TAB2: variants seen among roughly 807,000 people sequenced by gnomAD.
The protein encoded by TAB2 is TGF-beta activated kinase 1 (MAP3K7) binding protein 2, also known as TGF-beta-activated kinase 1 and MAP3K7-binding protein 2.
In TAB2, 3 loss-of-function variants were observed where a neutral mutation model predicts 65.0. The observed-to-expected ratio is 0.05, with a 90% CI of 0.02 to 0.12. TAB2 has a LOEUF of 0.12. Among genes scored for constraint, TAB2 ranks in the 10% least tolerant of loss-of-function variants. The pLI is 1.00. For synonymous variants in TAB2, 298 were observed against 285.1 expected, an observed-to-expected ratio of 1.05 and a Z score of -0.46; for missense variants, 623 against 840.3, an observed-to-expected ratio of 0.74 and a Z score of 3.20.
chr6:149,222,533 G>A (rs1440866818), intron 1 of TAB2, among the ~76,000 whole-genome samples: 1 of 150,632 alleles, frequency 6.6e-6, no homozygotes, highest in Non-Finnish European at 1.5e-5. Flanking sequence ...CAGGAGAATT[G>A]TTTGAACCTG....
At chr6:149,241,272 G>A (rs773416998) in intron 1 of TAB2, among the ~76,000 whole-genome samples, 3 of 152,112 alleles carry the variant, frequency 2.0e-5, no homozygotes, top group Non-Finnish European at 4.4e-5. Context: ...AATAGATTTT[G>A]GGCTCAGTTT....
At chr6:149,274,576 C>T (rs1778420078) in intron 1 of TAB2, among the ~76,000 whole-genome samples, 1 of 152,164 alleles carries the variant, frequency 6.6e-6, no homozygotes, top group African/African-American at 2.4e-5. Flanking sequence ...AAGATAATTC[C>T]CTTTCTTTTG....
Position 149,369,967 on chromosome 6 carries a change from G to A in TAB2, c.-31G>A, listed in dbSNP as rs760492590. The stretch of plus-strand genomic sequence containing the variant: ...CCACTAAGGCCTAGAATTGCCTACT[G>A]TACAAATAGTCCTGATCAGGCAATA... On this transcript the variant is annotated 5_prime_UTR_variant, in exon 2 of 7. Coordinates refer to ENST00000637181, the MANE Select transcript of TAB2 (RefSeq NM_001292034.3). The A allele has an allele frequency of 6.4e-7, 1 of 1,574,716 alleles. No individual in the cohort carries two copies. Among genetic ancestry groups the A allele is most frequent in the Non-Finnish European group, 8.7e-7 (1 of 1,144,280 alleles).
At chr6:149,389,645 CAAA>C (rs370622661) in intron 3 of TAB2, among the ~76,000 whole-genome samples, 65 of 86,878 alleles carry the variant, frequency 7.5e-4, no homozygotes, top group Non-Finnish European at 7.4e-4. Flanking sequence ...AACTCTGTGT[CAAA>C]AAAAAAAAAA....
At chr6:149,317,048 G>A (rs1207349727), upstream of TAB2, among the ~76,000 whole-genome samples, 1 of 150,282 alleles carries the variant, frequency 6.7e-6, no homozygotes, top group Non-Finnish European at 1.5e-5. This position sits in a 1 kb window ranked among gnomAD's most constrained non-coding sequence, Gnocchi z 4.7. Context: ...GGGTCCGGCC[G>A]GGCCCCCGGA....
At chr6:149,290,786 A>T (rs746992202) in intron 1 of TAB2, among the ~76,000 whole-genome samples, 1 of 152,238 alleles carries the variant, frequency 6.6e-6, no homozygotes, top group Non-Finnish European at 1.5e-5. Flanking sequence ...CAGAGGTTGC[A>T]GTGAGCTAAG....
At chr6:149,259,007 C>T (rs186219274) in intron 1 of TAB2, among the ~76,000 whole-genome samples, 9 of 152,218 alleles carry the variant, frequency 5.9e-5, no homozygotes, top group East Asian at 3.9e-4. Flanking sequence ...CACCTCTAGA[C>T]GCTAGAAAGG....
chr6:149,353,264 T>C (rs1780550020), intron 1 of TAB2, among the ~76,000 whole-genome samples: 1 of 152,214 alleles, frequency 6.6e-6, no homozygotes, highest in African/African-American at 2.4e-5. Flanking sequence ...CTTTTGCTGC[T>C]GCTGCTGCTT....
At chr6:149,357,430 A>AAAAAAACACACACACACACACACACAC in intron 1 of TAB2, among the ~76,000 whole-genome samples, 6 of 111,182 alleles carry the variant, frequency 5.4e-5, no homozygotes, top group East Asian at 3.1e-4. Flanking sequence ...AGAAAAAAAA[A>AAAAAAACACACACACACACACACACAC]ACACACACAC....
At chr6:149,282,170 A>C (rs1456622429) in intron 1 of TAB2, among the ~76,000 whole-genome samples, 1 of 152,108 alleles carries the variant, frequency 6.6e-6, no homozygotes, top group African/African-American at 2.4e-5. Flanking sequence ...TGTCAAAAAA[A>C]AAAAATGTCA....
chr6:149,397,261 G>A (rs1267737922), intron 3 of TAB2, among the ~76,000 whole-genome samples: 3 of 152,184 alleles, frequency 2.0e-5, no homozygotes, highest in Non-Finnish European at 4.4e-5. Flanking sequence ...GACCAACATG[G>A]TGAAACCTCA....
At chr6:149,295,574 T>C (rs1232582968) in intron 1 of TAB2, among the ~76,000 whole-genome samples, 1 of 152,238 alleles carries the variant, frequency 6.6e-6, no homozygotes, top group Non-Finnish European at 1.5e-5. Context: ...TTTCTATATG[T>C]TGTTTTCAGG....
At chr6:149,382,570 T>G (rs1044947416) in intron 3 of TAB2, among the ~76,000 whole-genome samples, 2 of 151,616 alleles carry the variant, frequency 1.3e-5, no homozygotes, top group Admixed American at 6.6e-5. Context: ...CACTCCAGCC[T>G]GGGTGACAGC....
At chr6:149,273,549 C>G (rs904526431) in intron 1 of TAB2, among the ~76,000 whole-genome samples, 3 of 152,164 alleles carry the variant, frequency 2.0e-5, no homozygotes, top group Admixed American at 6.5e-5. Flanking sequence ...TGGGCCAGAG[C>G]AAGACTTTCC....
chr6:149,360,088 A>C (rs1409667813), intron 1 of TAB2, among the ~76,000 whole-genome samples: 1 of 152,112 alleles, frequency 6.6e-6, no homozygotes, highest in Non-Finnish European at 1.5e-5. Context: ...TTTATTCAAA[A>C]TTTTTGTGCC....
chr6:149,235,537 C>T (rs1777479621), intron 1 of TAB2, among the ~76,000 whole-genome samples: 1 of 152,198 alleles, frequency 6.6e-6, no homozygotes, highest in South Asian at 2.1e-4. Flanking sequence ...AATCATCTGA[C>T]TAGCTTGAGC....
intron 1 of TAB2, among the ~76,000 whole-genome samples, chr6:149,366,122 G>C (rs376671501): frequency 6.6e-6 from 1 of 151,984 alleles, no homozygotes; most frequent in African/African-American, 2.4e-5. Context: ...TTGAGTATGG[G>C]TCAGTTTTTT....
intron 3 of TAB2, among the ~76,000 whole-genome samples, chr6:149,380,986 T>G (rs886497177): frequency 1.3e-5 from 2 of 152,200 alleles, no homozygotes; most frequent in African/African-American, 2.4e-5. Flanking sequence ...CACCCGCCTG[T>G]AGTCCCAGCT....
chr6:149,356,580 A>T (rs1418815326), intron 1 of TAB2, among the ~76,000 whole-genome samples: 1 of 152,184 alleles, frequency 6.6e-6, no homozygotes, highest in Admixed American at 6.6e-5. Flanking sequence ...TGGAAGGGGC[A>T]GCTCAGCTCC....
Sources: allele counts gnomAD v4.1 joint callset (sites outside exome capture counted in the v4.1 genomes callset), GRCh38; gene constraint gnomAD v4.1.1; non-coding constraint Gnocchi (gnomAD v3.1); transcripts MANE v1.5; gene names NCBI Gene and HGNC (gene_info 2026-07-23, HGNC 2026-07-21).